Variants in DCDC1 observed in about 807,000 individuals in gnomAD.
DCDC1 encodes doublecortin domain containing 1, also known as doublecortin domain-containing protein 1.
A neutral mutation model predicts 178.3 loss-of-function variants in DCDC1; 200 were observed. That is an observed-to-expected ratio of 1.12 (90% confidence interval 1.00 to 1.26). The LOEUF is 1.26. Among genes scored for constraint, DCDC1 ranks in the 50% most tolerant of loss-of-function variants. The pLI is 0.00. For missense variants in DCDC1, 1,983 were observed against 1,749.2 expected, an observed-to-expected ratio of 1.13 and a Z score of -2.38; for synonymous variants, 690 against 604.8, an observed-to-expected ratio of 1.14 and a Z score of -2.07.
At chr11:31,095,396 C>G (rs541054796) in intron 15 of DCDC1, among the ~76,000 whole-genome samples, 1 of 152,284 alleles carries the variant, frequency 6.6e-6, no homozygotes, top group Non-Finnish European at 1.5e-5. Flanking sequence ...AATTTACACT[C>G]CCACCAACAG....
chr11:31,290,876 A>G, intron 6 of DCDC1, 24 bp from the exon 7 acceptor site: 2 of 1,600,512 alleles, frequency 1.2e-6, no homozygotes, highest in Middle Eastern at 1.7e-4. Context: ...TTTTAAGTCA[A>G]GTCAATATTT....
At chr11:31,339,190 G>A (rs1950419347) in intron 1 of DCDC1, among the ~76,000 whole-genome samples, 1 of 152,122 alleles carries the variant, frequency 6.6e-6, no homozygotes, top group African/African-American at 2.4e-5. Flanking sequence ...GCTATGGTTG[G>A]AATGTTTGTG....
At chr11:31,306,097 T>A in intron 5 of DCDC1, 135 bp downstream of exon 5, 1 of 913,546 alleles carries the variant, frequency 1.1e-6, no homozygotes, top group South Asian at 3.6e-5. Context: ...TCCTATGAAA[T>A]CTACGTATAT....
chr11:30,931,023 T>C (rs77388370), intron 22 of DCDC1, among the ~76,000 whole-genome samples: 2,694 of 152,242 alleles, frequency 0.018, 82 homozygotes, highest in African/African-American at 0.062. Context: ...TATTAAACTA[T>C]TATAGCAGCC....
chr11:31,314,932 A>C (rs1261511500), intron 3 of DCDC1, among the ~76,000 whole-genome samples: 1 of 152,148 alleles, frequency 6.6e-6, no homozygotes, highest in African/African-American at 2.4e-5. Flanking sequence ...AATTATGCTT[A>C]CTCTCTGAGA....
chr11:30,916,808 C>A, intron 26 of DCDC1, 62 bp downstream of exon 26: 2 of 1,498,340 alleles, frequency 1.3e-6, no homozygotes, highest in Non-Finnish European at 1.8e-6. Context: ...TATATGTGTC[C>A]CAAGGTGAGA....
chr11:31,069,120 G>C (rs1341539146), intron 18 of DCDC1, among the ~76,000 whole-genome samples: 9 of 151,904 alleles, frequency 5.9e-5, no homozygotes, highest in Admixed American at 5.9e-4. Flanking sequence ...CAAAGTGCTG[G>C]GATTACAGGC....
intron 8 of DCDC1, among the ~76,000 whole-genome samples, chr11:31,246,654 C>T (rs1376215989): frequency 2.0e-5 from 3 of 152,102 alleles, no homozygotes; most frequent in Admixed American, 6.6e-5. Flanking sequence ...AGTTGGAAAG[C>T]TCCTGGTCCC....
intron 1 of DCDC1, among the ~76,000 whole-genome samples, chr11:31,369,406 T>C: frequency 6.6e-6 from 1 of 152,152 alleles, no homozygotes; most frequent in East Asian, 1.9e-4. Flanking sequence ...ATTTTCGAAT[T>C]AGAACATTGT....
At chr11:30,986,753 T>C (rs1950671934) in intron 20 of DCDC1, among the ~76,000 whole-genome samples, 1 of 152,196 alleles carries the variant, frequency 6.6e-6, no homozygotes, top group Non-Finnish European at 1.5e-5. Context: ...TGAAAATTTG[T>C]AGACAATCAG....
At chr11:31,199,216 C>T (rs886143584) in intron 9 of DCDC1, among the ~76,000 whole-genome samples, 4 of 151,998 alleles carry the variant, frequency 2.6e-5, no homozygotes, top group African/African-American at 9.7e-5. Context: ...ATATAAACTC[C>T]CTGGAAAAGC....
intron 9 of DCDC1, among the ~76,000 whole-genome samples, chr11:31,144,792 G>A (rs1030458031): frequency 3.3e-5 from 5 of 152,002 alleles, no homozygotes. Flanking sequence ...CTGTCTGAAA[G>A]TGCACTTCAC....
Position 30,864,917 on chromosome 11 carries a change from T to G in DCDC1, c.*456A>C, listed in dbSNP as rs922581539. On this transcript the variant is annotated 3_prime_UTR_variant, in exon 39 of 39. Coordinates refer to ENST00000684477, the MANE Select transcript of DCDC1 (RefSeq NM_001387274.1). ...ATTTTTCAATGTTCATTCTTCAAAA[T>G]AGGCCCATTGAAAAAACTGAGTTAT... 6.6e-6 allele frequency: 1 copy of G among 152,222 alleles called. No homozygotes were observed. The highest frequency in any genetic ancestry group is 6.5e-5 in the Admixed American group (1 of 15,284). The allele number at this position is 152,222 out of a possible 1,614,324, so 9.4% of individuals were successfully genotyped here. A position where few individuals can be genotyped will look rare whatever the true frequency, so the allele number is the denominator to read the frequency against.
At chr11:31,213,733 A>C (rs1016632950) in intron 9 of DCDC1, among the ~76,000 whole-genome samples, 3 of 152,002 alleles carry the variant, frequency 2.0e-5, no homozygotes, top group Admixed American at 6.6e-5. Flanking sequence ...AAAAAAACAA[A>C]AAAAAAAGTG....
chr11:31,197,824 G>T (rs1015301794), intron 9 of DCDC1, among the ~76,000 whole-genome samples: 1 of 152,014 alleles, frequency 6.6e-6, no homozygotes, highest in Non-Finnish European at 1.5e-5. Context: ...AGGAAATGAT[G>T]ATGCAATGGA....
intron 34 of DCDC1, among the ~76,000 whole-genome samples, chr11:30,897,707 A>T (rs1454364351): frequency 2.0e-5 from 3 of 152,170 alleles, no homozygotes; most frequent in Non-Finnish European, 4.4e-5. Flanking sequence ...TTGGTACAGG[A>T]ATACAGCTTA....
chr11:30,892,929 T>A lies in DCDC1; in HGVS notation c.4971A>T (p.Ala1657=), dbSNP rs1943907617. Reference sequence around the variant, plus strand: ...GCTTATACAGGTTGCTCGGCTTGACTGCTATACGTTTGGTTGCAATTGGAA... The same window carrying A: ...GCTTATACAGGTTGCTCGGCTTGACAGCTATACGTTTGGTTGCAATTGGAA... ...INFPIATKRI[A]VKPSNLYKQP... is the part of the protein sequence containing the mutation. The change falls in exon 36 of 39, where the codon GCA becomes GCT. Residue 1657 remains alanine (A), a synonymous_variant. Coordinates refer to ENST00000684477, the MANE Select transcript of DCDC1 (RefSeq NM_001387274.1). 6.2e-7 allele frequency: 1 copy of A among 1,613,888 alleles called. No homozygotes were observed.
intron 38 of DCDC1, among the ~76,000 whole-genome samples, chr11:30,873,360 TATATAGAG>T (rs1185128319): frequency 1.3e-4 from 18 of 138,660 alleles, no homozygotes; most frequent in Non-Finnish European, 2.1e-4. Flanking sequence ...TATATATATA[TATATAGAG>T]AGAGAGAGAG....
In DCDC1 at chr11:31,137,775, C is replaced by T. The variant is rs778767017; in HGVS notation, c.1231G>A (p.Val411Ile). The change falls in exon 10 of 39, where the codon GTC (valine) becomes ATC (isoleucine). Residue 411 changes from valine to isoleucine, a missense_variant. Transcript: ENST00000684477. Reference sequence around the variant, plus strand: ...ATTTTCTCCTTCTGTTCATTCATGACCAGGTTCAACTAGAAAAAACAAATA... The same window carrying T: ...ATTTTCTCCTTCTGTTCATTCATGATCAGGTTCAACTAGAAAAAACAAATA... ...AKKYYKQLNL[V>I]MNEQKEKITE... The T allele has an allele frequency of 2.8e-6, 2 of 702,310 alleles. No individual in the cohort carries two copies. Among genetic ancestry groups the T allele is most frequent in the South Asian group, 3.0e-5 (2 of 67,482 alleles). The allele number at this position is 702,310 out of a possible 1,614,324, so 43.5% of individuals were successfully genotyped here.
Sources: gnomAD v4.1 joint callset for allele counts (sites outside exome capture counted in the v4.1 genomes callset) on GRCh38, gnomAD v4.1.1 for gene constraint, MANE v1.5 for transcripts, NCBI Gene and HGNC (gene_info 2026-07-23, HGNC 2026-07-21) for gene names.